The following MAP2K6 variants were observed in gnomAD, a reference collection of about 807,000 sequenced individuals.
MAP2K6 encodes dual specificity mitogen-activated protein kinase kinase 6.
Under a neutral mutation model 53.7 loss-of-function variants are expected in MAP2K6, and 16 were observed. The observed-to-expected ratio is 0.30, with a 90% CI of 0.20 to 0.45. The LOEUF (loss-of-function observed/expected upper bound fraction) is 0.45. MAP2K6 is among the 20% of genes least tolerant of loss of function. The pLI is 1.00. For missense variants in MAP2K6, 204 were observed against 411.9 expected (o/e 0.50, Z 4.37); for synonymous variants, 132 against 143.1 (o/e 0.92, Z 0.55).
intron 10 of MAP2K6, among the ~76,000 whole-genome samples, chr17:69,535,833 C>T (rs1911325403): frequency 6.6e-6 from 1 of 151,280 alleles, no homozygotes; most frequent in African/African-American, 2.4e-5. Flanking sequence ...GGCTATAGAT[C>T]AGAAAAATTA....
intron 1 of MAP2K6, among the ~76,000 whole-genome samples, chr17:69,443,938 A>G (rs1279569963): frequency 6.6e-6 from 1 of 152,230 alleles, no homozygotes; most frequent in East Asian, 1.9e-4. Context: ...GTGGGGTATC[A>G]GTTTGTTGCT....
chr17:69,423,619 C>CTGAGG lies in MAP2K6; in HGVS notation c.16+8619_16+8620insTGAGG, dbSNP rs1289349653. Among the ~76,000 whole-genome samples the CTGAGG allele has an allele frequency of 2.0e-5, 3 of 152,190 alleles. No homozygotes were observed. The East Asian group carries it at 5.8e-4, about 29-fold the overall frequency. ...TGCTCAGCCAGAGACCTCTTGGGCC[C>CTGAGG]AGCCCACAGGAAACGTCTGAGTGGT... On this transcript the variant is annotated intron_variant, in intron 1 of 11. Transcript: ENST00000590474.
chr17:69,471,484 A>T (rs923336288), intron 1 of MAP2K6, among the ~76,000 whole-genome samples: 48 of 152,208 alleles, frequency 3.2e-4, no homozygotes, highest in Middle Eastern at 3.2e-3. Context: ...ATACATAAAG[A>T]TGGAAATAAT....
intron 2 of MAP2K6, among the ~76,000 whole-genome samples, chr17:69,515,888 C>G (rs1910115247): frequency 6.6e-6 from 1 of 152,104 alleles, no homozygotes; most frequent in African/African-American, 2.4e-5. Flanking sequence ...AGAATATATG[C>G]CATTACTATT....
In MAP2K6 at chr17:69,442,636, G is replaced by T. The variant is rs978964347; in HGVS notation, c.16+27636G>T. 2.6e-5 allele frequency among the ~76,000 whole-genome samples: 4 copies of T among 152,174 alleles called. No individual in the cohort carries two copies. In the East Asian group the frequency reaches 7.7e-4, roughly 29 times the overall value. ...AGGGATGGAAGGGGGAAATCCAAAA[G>T]TAACTAAATTGCAGTTCAATGGTAC... On this transcript the variant is annotated intron_variant, in intron 1 of 11. Coordinates refer to ENST00000590474, the MANE Select transcript of MAP2K6 (RefSeq NM_002758.4).
chr17:69,415,709 T>A (rs1366287993), intron 1 of MAP2K6, among the ~76,000 whole-genome samples: 1 of 152,158 alleles, frequency 6.6e-6, no homozygotes, highest in African/African-American at 2.4e-5. Flanking sequence ...GCTTTGCATC[T>A]TGGGGGAAAA....
At chr17:69,482,316 C>A (rs1038394094) in intron 1 of MAP2K6, among the ~76,000 whole-genome samples, 1 of 151,870 alleles carries the variant, frequency 6.6e-6, no homozygotes. Flanking sequence ...TTTTTTTAAA[C>A]TTAGTTTTCT....
At chr17:69,486,897 C>T (rs1908560382) in intron 1 of MAP2K6, among the ~76,000 whole-genome samples, 1 of 152,186 alleles carries the variant, frequency 6.6e-6, no homozygotes, top group African/African-American at 2.4e-5. Flanking sequence ...AGAAAATCAG[C>T]TAGTCGATTG....
Position 69,544,398 on chromosome 17 carries a change from C to G in MAP2K6, c.*2645C>G, listed in dbSNP as rs1911792947. 1 of 152,088 alleles carries G rather than the reference C, an allele frequency of 6.6e-6. No homozygotes were observed. Among genetic ancestry groups the G allele is most frequent in the African/African-American group, 2.4e-5 (1 of 41,410 alleles). The allele number at this position is 152,088 out of a possible 1,614,324, so 9.4% of individuals were successfully genotyped here. A position where few individuals can be genotyped will look rare whatever the true frequency, so the allele number is the denominator to read the frequency against. ...TTTTTGGAAAACTGTGTTGTAAGTGCCAATCAACCAACTTTTGAAAAAATC... is the reference window on the plus strand; with the variant it reads ...TTTTTGGAAAACTGTGTTGTAAGTGGCAATCAACCAACTTTTGAAAAAATC... On this transcript the variant is annotated 3_prime_UTR_variant, in exon 12 of 12. Coordinates refer to ENST00000590474, the MANE Select transcript of MAP2K6 (RefSeq NM_002758.4).
At chr17:69,516,353 A>C (rs1910143157) in intron 2 of MAP2K6, among the ~76,000 whole-genome samples, 1 of 152,090 alleles carries the variant, frequency 6.6e-6, no homozygotes, top group African/African-American at 2.4e-5. Flanking sequence ...ATCTAATGCC[A>C]CTGCTGATCT....
rs183976940 is a variant in MAP2K6, at chr17:69,522,577, C to T, written c.536-937C>T. Among the ~76,000 whole-genome samples the T allele has an allele frequency of 4.6e-5, 7 of 152,084 alleles. No individual in the cohort carries two copies. The East Asian group carries it at 7.7e-4, about 17-fold the overall frequency. On this transcript the variant is annotated intron_variant, in intron 7 of 11. Transcript: ENST00000590474. ...TCAAATGTTATTATCCAGAGATAAT[C>T]GTAGTTCCATTTTTTGGGCATATGG... is the stretch of plus-strand genomic sequence containing the variant.
Position 69,552,001 on chromosome 17 carries a change from C to T in MAP2K6, c.*10248C>T, listed in dbSNP as rs1912119123. 6.6e-6 allele frequency: 1 copy of T among 152,210 alleles called. No homozygotes were observed. Among genetic ancestry groups the T allele is most frequent in the Non-Finnish European group, 1.5e-5 (1 of 68,040 alleles). The allele number at this position is 152,210 out of a possible 1,614,324, so 9.4% of individuals were successfully genotyped here. A position where few individuals can be genotyped will look rare whatever the true frequency, so the allele number is the denominator to read the frequency against. On this transcript the variant is annotated 3_prime_UTR_variant, in exon 12 of 12. Transcript: ENST00000590474. ...GATTTCTTCAGCTTTCTTTGTGCTT[C>T]AGTTTCATAGCTGAAAATGCTGCTT...
At position 69,526,687 on chromosome 17, in the gene MAP2K6, T is replaced by G. The variant is rs1250454716; in HGVS notation, c.859T>G (p.Phe287Val). Residue 287 changes from phenylalanine (F) to valine (V), a missense_variant, in exon 10 of 12, where the codon TTT becomes GTT. Phe to Val is a conservative substitution (Grantham distance 50, BLOSUM62 -1). Coordinates refer to ENST00000590474, the MANE Select transcript of MAP2K6 (RefSeq NM_002758.4). ...QLPADKFSAE[F>V]VDFTSQCLKK... ...CCCAGCAGACAAGTTCTCTGCAGAG[T>G]TTGTTGACTTTACCTCACAGTGGTA... 5 of 1,613,430 alleles carry G rather than the reference T, an allele frequency of 3.1e-6. No individual in the cohort carries two copies. The highest frequency in any genetic ancestry group is 4.2e-6 in the Non-Finnish European group (5 of 1,179,982).
rs376329345 is a variant in MAP2K6, at chr17:69,542,593, A to G, written c.*840A>G. ...TTTATATCCACCTACCTATTCATCTACCTGTGTGTATGTGTGTGTTTGTGT... is the reference window on the plus strand; with the variant it reads ...TTTATATCCACCTACCTATTCATCTGCCTGTGTGTATGTGTGTGTTTGTGT... On this transcript the variant is annotated 3_prime_UTR_variant, in exon 12 of 12. Coordinates refer to ENST00000590474, the MANE Select transcript of MAP2K6 (RefSeq NM_002758.4). The G allele has an allele frequency of 2.0e-5, 3 of 152,096 alleles. No individual in the cohort carries two copies. Among genetic ancestry groups the G allele is most frequent in the East Asian group, 3.8e-4 (2 of 5,200 alleles). 9.4% of individuals were successfully genotyped at this position (152,096 alleles called of 1,614,324 possible). A position where few individuals can be genotyped will look rare whatever the true frequency, so the allele number is the denominator to read the frequency against.
chr17:69,494,954 G>A lies in MAP2K6; in HGVS notation c.17-10826G>A, dbSNP rs148626398. ...TGGGAGGTGGAGGTTGCCGTGAGCC[G>A]AGATCGCGACATTGCACTCCAGCCT... On this transcript the variant is annotated intron_variant, in intron 1 of 11. Coordinates refer to ENST00000590474, the MANE Select transcript of MAP2K6 (RefSeq NM_002758.4). The surrounding 1 kb of genome is among the most constrained non-coding windows in gnomAD (Gnocchi z 4.2). 4.3e-3 allele frequency among the ~76,000 whole-genome samples: 653 copies of A among 151,442 alleles called. 3 individuals carry two copies. Among genetic ancestry groups the A allele is most frequent in the African/African-American group, 0.015 (630 of 41,310 alleles).
chr17:69,482,640 T>C (rs1242117688), intron 1 of MAP2K6, among the ~76,000 whole-genome samples: 1 of 151,964 alleles, frequency 6.6e-6, no homozygotes, highest in Non-Finnish European at 1.5e-5. Context: ...TTGTTTTGGC[T>C]CCATAGCATT....
intron 7 of MAP2K6, chr17:69,521,813 A>AAAC (rs1910490368): frequency 2.2e-5 from 3 of 138,490 alleles, no homozygotes; most frequent in Admixed American, 1.4e-4. Flanking sequence ...GTACAAAAAA[A>AAAC]AAAAAAAAAA....
intron 1 of MAP2K6, among the ~76,000 whole-genome samples, chr17:69,426,749 C>A (rs749536056): frequency 1.3e-5 from 2 of 151,130 alleles, no homozygotes; most frequent in Non-Finnish European, 2.9e-5. Flanking sequence ...CTTCTAGTAT[C>A]CAGTGGCACA....
At chr17:69,438,160 A>G (rs144448756) in intron 1 of MAP2K6, among the ~76,000 whole-genome samples, 21 of 152,338 alleles carry the variant, frequency 1.4e-4, no homozygotes, top group Admixed American at 4.6e-4. Flanking sequence ...TGCCACATGA[A>G]TGGCTGACTT....
Sources: gnomAD v4.1 joint callset for allele counts (sites outside exome capture counted in the v4.1 genomes callset) on GRCh38, gnomAD v4.1.1 for gene constraint, Gnocchi (gnomAD v3.1) non-coding constraint, MANE v1.5 for transcripts, NCBI Gene and HGNC (gene_info 2026-07-23, HGNC 2026-07-21) for gene names.